The following SGMS1 variants were observed in gnomAD, a reference collection of about 807,000 sequenced individuals.
The protein encoded by SGMS1 is phosphatidylcholine:ceramide cholinephosphotransferase 1.
SGMS1 carries 13 observed loss-of-function variants against 46.2 expected under a neutral mutation model. The ratio of observed to expected loss-of-function variants is 0.28; its 90% CI spans 0.18 to 0.45. SGMS1 has a LOEUF of 0.45. SGMS1 is among the 20% of genes least tolerant of loss of function. The probability of loss-of-function intolerance (pLI) is 1.00; values close to 1 mark genes in which losing one functional copy is unlikely to be tolerated. For missense variants in SGMS1, 324 were observed against 519.9 expected (o/e 0.62, Z 3.66); for synonymous variants, 203 against 187.8 (o/e 1.08, Z -0.66).
At chr10:50,472,254 T>A (rs1837384925) in intron 3 of SGMS1, among the ~76,000 whole-genome samples, 1 of 152,186 alleles carries the variant, frequency 6.6e-6, no homozygotes, top group South Asian at 2.1e-4. Context: ...AATTTTGAAA[T>A]CTATGATGCA....
intron 3 of SGMS1, among the ~76,000 whole-genome samples, chr10:50,475,013 T>G (rs1837407940): frequency 6.6e-6 from 1 of 152,166 alleles, no homozygotes; most frequent in African/African-American, 2.4e-5. Flanking sequence ...CCAAAAGCAT[T>G]TTTTTAAATA....
At chr10:50,508,042 T>C (rs1281588609) in intron 3 of SGMS1, among the ~76,000 whole-genome samples, 1 of 152,186 alleles carries the variant, frequency 6.6e-6, no homozygotes, top group Non-Finnish European at 1.5e-5. Context: ...CACTCCCTAC[T>C]ACTGGCCCCA....
chr10:50,625,046 G>C, upstream of SGMS1: 5 of 1,000,964 alleles, frequency 5.0e-6, no homozygotes, highest in South Asian at 1.8e-4. Context: ...CGGGCTTTGG[G>C]CGCCGGACTC....
chr10:50,566,276 C>A (rs577163899), intron 2 of SGMS1, among the ~76,000 whole-genome samples: 58 of 152,078 alleles, frequency 3.8e-4, no homozygotes, highest in Non-Finnish European at 7.8e-4. Flanking sequence ...AATGAGTCTG[C>A]CCCACTCTTT....
intron 5 of SGMS1, among the ~76,000 whole-genome samples, chr10:50,439,731 T>C (rs1480813795): frequency 6.6e-6 from 1 of 152,172 alleles, no homozygotes; most frequent in Non-Finnish European, 1.5e-5. Flanking sequence ...CAATGCACAA[T>C]ATTTTCTGAG....
At chr10:50,392,091 T>C (rs1416956219) in intron 6 of SGMS1, among the ~76,000 whole-genome samples, 1 of 151,950 alleles carries the variant, frequency 6.6e-6, no homozygotes, top group East Asian at 1.9e-4. Flanking sequence ...ACTATACTTA[T>C]TACCTGGTTG....
chr10:50,529,066 A>C (rs1328851193), intron 2 of SGMS1, among the ~76,000 whole-genome samples: 1 of 152,248 alleles, frequency 6.6e-6, no homozygotes, highest in African/African-American at 2.4e-5. Context: ...AAAACAAAGG[A>C]ACATCAATGG....
At chr10:50,543,221 T>C (rs1343133526) in intron 2 of SGMS1, among the ~76,000 whole-genome samples, 3 of 152,208 alleles carry the variant, frequency 2.0e-5, no homozygotes, top group African/African-American at 7.2e-5. Context: ...GCTGGCAACT[T>C]GACTTACAAA....
intron 2 of SGMS1, among the ~76,000 whole-genome samples, chr10:50,563,187 C>T (rs1345310236): frequency 6.6e-6 from 1 of 152,188 alleles, no homozygotes; most frequent in African/African-American, 2.4e-5. Flanking sequence ...AGATGGACCT[C>T]TGAGTCCTCG....
chr10:50,398,792 G>C (rs1391408476), intron 6 of SGMS1, among the ~76,000 whole-genome samples: 1 of 151,702 alleles, frequency 6.6e-6, no homozygotes, highest in African/African-American at 2.4e-5. Flanking sequence ...CTATGGAATG[G>C]AAAAAATATA....
At chr10:50,317,712 C>A (rs1459239092) in intron 8 of SGMS1, among the ~76,000 whole-genome samples, 1 of 151,902 alleles carries the variant, frequency 6.6e-6, no homozygotes, top group Non-Finnish European at 1.5e-5. Context: ...ATAGCTAAAA[C>A]AACATTTATT....
intron 2 of SGMS1, among the ~76,000 whole-genome samples, chr10:50,561,729 A>G (rs543291764): frequency 5.3e-5 from 8 of 152,222 alleles, no homozygotes; most frequent in Non-Finnish European, 7.3e-5. Flanking sequence ...AGGAGAACTA[A>G]GTTAACTGAA....
intron 3 of SGMS1, among the ~76,000 whole-genome samples, chr10:50,468,462 C>T (rs1837350322): frequency 6.6e-6 from 1 of 152,162 alleles, no homozygotes; most frequent in African/African-American, 2.4e-5. Flanking sequence ...GTAAAGTAAG[C>T]CCACGTTATC....
intron 6 of SGMS1, among the ~76,000 whole-genome samples, chr10:50,407,045 C>G (rs1849025258): frequency 6.6e-6 from 1 of 152,134 alleles, no homozygotes; most frequent in African/African-American, 2.4e-5. Context: ...TTAAACTTTC[C>G]TTGTTTAAAC....
At chr10:50,376,103 A>G (rs556173021) in intron 6 of SGMS1, among the ~76,000 whole-genome samples, 31 of 152,306 alleles carry the variant, frequency 2.0e-4, no homozygotes, top group Non-Finnish European at 7.4e-5. Flanking sequence ...AAGAAATGCA[A>G]AACAAATTTG....
intron 2 of SGMS1, among the ~76,000 whole-genome samples, chr10:50,531,674 A>G (rs1837954715): frequency 6.6e-6 from 1 of 152,182 alleles, no homozygotes; most frequent in Non-Finnish European, 1.5e-5. Flanking sequence ...ATCCTACCCA[A>G]CGGTCTGAAC....
intron 1 of SGMS1, among the ~76,000 whole-genome samples, chr10:50,595,592 C>T (rs1838584192): frequency 6.6e-6 from 1 of 152,176 alleles, no homozygotes; most frequent in Non-Finnish European, 1.5e-5. Flanking sequence ...ATCACATAGG[C>T]AGTAAAATAA....
chr10:50,531,770 T>C lies in SGMS1; in HGVS notation c.-588-11849A>G, dbSNP rs34808309. ...GTGTGCTTGGAAGGTATACTACATA[T>C]ACCAGTACCACCATCTCCACCTACT... On this transcript the variant is annotated intron_variant, in intron 2 of 10. Coordinates refer to ENST00000361781, the MANE Select transcript of SGMS1 (RefSeq NM_147156.4). 5.5e-3 allele frequency among the ~76,000 whole-genome samples: 831 copies of C among 152,254 alleles called. 3 individuals carry two copies. Among genetic ancestry groups the C allele is most frequent in the Non-Finnish European group, 7.7e-3 (521 of 68,006 alleles).
chr10:50,536,818 A>G (rs1418041022), intron 2 of SGMS1, among the ~76,000 whole-genome samples: 1 of 152,180 alleles, frequency 6.6e-6, no homozygotes, highest in Non-Finnish European at 1.5e-5. Context: ...ACATGCTATA[A>G]TCATTGTCAA....
Sources: gnomAD v4.1 joint callset for allele counts (sites outside exome capture counted in the v4.1 genomes callset) on GRCh38, gnomAD v4.1.1 for gene constraint, MANE v1.5 for transcripts, NCBI Gene and HGNC (gene_info 2026-07-23, HGNC 2026-07-21) for gene names.